The following USP42 variants were observed in gnomAD, a reference collection of about 807,000 sequenced individuals.
USP42 encodes ubiquitin specific peptidase 42, also known as ubiquitin carboxyl-terminal hydrolase 42.
Under a neutral mutation model 113.0 loss-of-function variants are expected in USP42, and 23 were observed. The ratio of observed to expected loss-of-function variants is 0.20; its 90% CI spans 0.15 to 0.29. USP42 has a LOEUF of 0.29. Ranked by LOEUF, USP42 falls within the 10% of genes least tolerant of loss-of-function variation. The pLI is 1.00. For missense variants in USP42, 2,174 were observed against 1,779.8 expected (o/e 1.22, Z -3.99); for synonymous variants, 933 against 699.0 (o/e 1.33, Z -5.28).
intron 3 of USP42, among the ~76,000 whole-genome samples, chr7:6,129,320 C>T (rs1780711806): frequency 6.6e-6 from 1 of 151,988 alleles, no homozygotes; most frequent in Non-Finnish European, 1.5e-5. Flanking sequence ...TTTTGGGAAG[C>T]CGAGGCAGGT....
At chr7:6,143,378 G>C (rs1018480424) in intron 8 of USP42, among the ~76,000 whole-genome samples, 1 of 152,104 alleles carries the variant, frequency 6.6e-6, no homozygotes, top group Non-Finnish European at 1.5e-5. Context: ...GGCTGCCGTC[G>C]GGTGGGGAGT....
the USP42 span, among the ~76,000 whole-genome samples, chr7:6,086,934 G>A: frequency 6.7e-6 from 1 of 150,010 alleles, no homozygotes. Context: ...CACCATGTTG[G>A]CCAGGCTTGT....
intron 4 of USP42, among the ~76,000 whole-genome samples, chr7:6,136,475 TAA>T (rs1334840378): frequency 3.9e-5 from 6 of 152,214 alleles, no homozygotes; most frequent in African/African-American, 1.4e-4. Flanking sequence ...GACAATATAT[TAA>T]AGACTATTCA....
Position 6,111,360 on chromosome 7 carries a change from C to T in USP42, c.227C>T (p.Pro76Leu). ...SSVPDKSKPS[P>L]QKDQALGDGI... is the part of the protein sequence containing the mutation. ...GTACCTGATAAATCAAAACCATCAC[C>T]ACAAAAGGATCAAGGTACTGTTTTT... Residue 76 changes from proline to leucine, a missense_variant, in exon 2 of 18, where the codon CCA becomes CTA. By Grantham distance (98) the Pro-to-Leu change is moderately conservative. Transcript: ENST00000306177. The T allele has an allele frequency of 5.0e-6, 8 of 1,611,672 alleles. No individual in the cohort carries two copies. Among genetic ancestry groups the T allele is most frequent in the Non-Finnish European group, 6.8e-6 (8 of 1,178,668 alleles).
At position 6,159,827 on chromosome 7, in the gene USP42, G is replaced by A. The variant is rs1224499129; in HGVS notation, c.*36+334G>A. ...CCCACGGGCCTTTGATAAACATCTG[G>A]GAAGGGAGAGGCCCGGTCCCCAGCA... On this transcript the variant is annotated intron_variant, in intron 17 of 17. Coordinates refer to ENST00000306177, the MANE Select transcript of USP42 (RefSeq NM_032172.3). The surrounding 1 kb of genome is among the most constrained non-coding windows in gnomAD (Gnocchi z 4.1). 3.3e-5 allele frequency among the ~76,000 whole-genome samples: 5 copies of A among 152,250 alleles called. No individual in the cohort carries two copies.
intron 10 of USP42, among the ~76,000 whole-genome samples, chr7:6,145,885 C>A (rs966232051): frequency 6.6e-6 from 1 of 152,128 alleles, no homozygotes; most frequent in African/African-American, 2.4e-5. Flanking sequence ...ACCTGGCCAA[C>A]AGGGTGAAAC....
intron 3 of USP42, 109 bp from the exon 4 acceptor site, chr7:6,135,732 A>G (rs1027272391): frequency 4.4e-6 from 2 of 452,082 alleles, no homozygotes; most frequent in African/African-American, 4.1e-5. Flanking sequence ...AGGCATGCAT[A>G]TAGCAGCTAT....
At chr7:6,112,016 G>A (rs546023521) in intron 2 of USP42, 3 of 152,386 alleles carry the variant, frequency 2.0e-5, no homozygotes, top group Non-Finnish European at 4.4e-5. Flanking sequence ...AGTTTCCTAA[G>A]TAGATGACTT....
At chr7:6,084,997 G>C in the USP42 span, 2 of 151,180 alleles carry the variant, frequency 1.3e-5, no homozygotes, top group Non-Finnish European at 2.9e-5. Context: ...GCGATTACAG[G>C]TGCGAGCCAC....
chr7:6,107,410 T>TA (rs1779351236), intron 1 of USP42, among the ~76,000 whole-genome samples: 1 of 101,728 alleles, frequency 9.8e-6, no homozygotes, highest in African/African-American at 3.2e-5. Flanking sequence ...CTTCCTTTTC[T>TA]TTTTTTTTTT....
intron 3 of USP42, among the ~76,000 whole-genome samples, chr7:6,132,653 C>T (rs1780914909): frequency 6.6e-6 from 1 of 151,578 alleles, no homozygotes; most frequent in Non-Finnish European, 1.5e-5. Context: ...GCCACCAAGC[C>T]AGCCTATGTA....
intron 10 of USP42, 63 bp from the exon 11 acceptor site, chr7:6,146,085 T>C: frequency 1.6e-6 from 2 of 1,234,334 alleles, no homozygotes; most frequent in Non-Finnish European, 2.3e-6. Context: ...GAAATATTTC[T>C]CTTGACTATG....
chr7:6,085,789 AT>A, the USP42 span, among the ~76,000 whole-genome samples: 2 of 149,252 alleles, frequency 1.3e-5, no homozygotes, highest in Non-Finnish European at 3.0e-5. Context: ...TAAATTTTGT[AT>A]TTTTAGTAGA....
Position 6,154,848 on chromosome 7 carries a change from G to A in USP42, c.3294G>A (p.Arg1098=). Residue 1098 remains arginine, a synonymous_variant, in exon 15 of 18, where the codon CGG becomes CGA. Transcript: ENST00000306177. ...LHERPHKDHN[R]GRRGCEPARE... ...AGCGGCCGCACAAGGACCACAACCGGGGCCGTAGGGGCTGCGAGCCGGCCC... is the reference window on the plus strand; with the variant it reads ...AGCGGCCGCACAAGGACCACAACCGAGGCCGTAGGGGCTGCGAGCCGGCCC... 2.6e-6 allele frequency: 4 copies of A among 1,533,152 alleles called. No homozygotes were observed. Among genetic ancestry groups the A allele is most frequent in the Non-Finnish European group, 3.5e-6 (4 of 1,138,090 alleles). 95.0% of individuals were successfully genotyped at this position (1,533,152 alleles called of 1,614,324 possible). A position where few individuals can be genotyped will look rare whatever the true frequency, so the allele number is the denominator to read the frequency against.
At chr7:6,107,202 T>C (rs1262686208) in intron 1 of USP42, among the ~76,000 whole-genome samples, 1 of 152,162 alleles carries the variant, frequency 6.6e-6, no homozygotes, top group African/African-American at 2.4e-5. Context: ...TAAATTTTTT[T>C]TCACTTAAGA....
In USP42 at chr7:6,161,186, G is replaced by A. The variant is rs556267933; in HGVS notation, c.*668G>A. ...TAACCCAGACATGATTTGTAAAGCC[G>A]ACAGTATGTTTCTATTACACAACAC... On this transcript the variant is annotated 3_prime_UTR_variant, in exon 18 of 18. Transcript: ENST00000306177. 1 of 152,594 alleles carries A rather than the reference G, an allele frequency of 6.6e-6. No individual in the cohort carries two copies. The highest frequency in any genetic ancestry group is 1.5e-5 in the Non-Finnish European group (1 of 68,038). The allele number at this position is 152,594 out of a possible 1,614,324, so 9.5% of individuals were successfully genotyped here. A position where few individuals can be genotyped will look rare whatever the true frequency, so the allele number is the denominator to read the frequency against.
the USP42 span, chr7:6,088,881 AC>A: frequency 6.6e-6 from 1 of 150,926 alleles, no homozygotes; most frequent in East Asian, 1.9e-4. Flanking sequence ...GACGGCGGGA[AC>A]CAAGATTGGA....
chr7:6,154,208 A>C lies in USP42; in HGVS notation c.2654A>C (p.Asp885Ala). ...GGGGACCACGCCCGGGACGCTCAGG[A>C]CCCATCCCAGAGCTTGGGCGCACCC... ...PSGDHARDAQDPSQSLGAPEA... is the reference protein window; with the variant it reads ...PSGDHARDAQAPSQSLGAPEA... Residue 885 changes from aspartate (D) to alanine (A), a missense_variant, in exon 15 of 18, where the codon GAC becomes GCC. Transcript: ENST00000306177. 1 of 1,606,272 alleles carries C rather than the reference A, an allele frequency of 6.2e-7. No homozygotes were observed. Among genetic ancestry groups the C allele is most frequent in the Non-Finnish European group, 8.5e-7 (1 of 1,178,864 alleles).
At chr7:6,114,011 A>T (rs893941559) in intron 2 of USP42, among the ~76,000 whole-genome samples, 2 of 152,172 alleles carry the variant, frequency 1.3e-5, no homozygotes. Context: ...TTCCTAAATA[A>T]GTTGTTTCTT....
Sources: gnomAD v4.1 joint callset for allele counts (sites outside exome capture counted in the v4.1 genomes callset) on GRCh38, gnomAD v4.1.1 for gene constraint, Gnocchi (gnomAD v3.1) non-coding constraint, MANE v1.5 for transcripts, NCBI Gene and HGNC (gene_info 2026-07-23, HGNC 2026-07-21) for gene names.